ENOPH1: variants seen among roughly 807,000 people sequenced by gnomAD.
ENOPH1 encodes enolase-phosphatase 1.
In ENOPH1, 14 loss-of-function variants were observed where a neutral mutation model predicts 31.1. The observed-to-expected ratio is 0.45, with a 90% CI of 0.30 to 0.70. The LOEUF is 0.70. Ranked by LOEUF, ENOPH1 falls within the 30% of genes least tolerant of loss-of-function variation. The pLI is 0.09. For missense variants in ENOPH1, 243 were observed against 321.5 expected (o/e 0.76, Z 1.87); for synonymous variants, 127 against 123.2 (o/e 1.03, Z -0.21).
chr4:82,448,204 C>T (rs1367013915), intron 2 of ENOPH1, among the ~76,000 whole-genome samples, 183 bp downstream of exon 2: 1 of 151,680 alleles, frequency 6.6e-6, no homozygotes, highest in African/African-American at 2.4e-5. Flanking sequence ...TGGATCATGT[C>T]AGTTTGTTGT....
intron 1 of ENOPH1, among the ~76,000 whole-genome samples, chr4:82,443,974 A>G (rs1722113637): frequency 6.6e-6 from 1 of 152,188 alleles, no homozygotes; most frequent in East Asian, 1.9e-4. Context: ...TTCCGGGTTC[A>G]AGCGATTCTC....
chr4:82,449,185 A>G (rs1722280188), intron 2 of ENOPH1, among the ~76,000 whole-genome samples: 2 of 152,008 alleles, frequency 1.3e-5, no homozygotes, highest in Admixed American at 1.3e-4. Flanking sequence ...GGTTGTAGTG[A>G]GCCGAGATGG....
Position 82,459,992 on chromosome 4 carries a change from G to A in ENOPH1, c.658G>A (p.Ala220Thr), listed in dbSNP as rs775120969. 6.2e-7 allele frequency: 1 copy of A among 1,613,842 alleles called. No homozygotes were observed. Among genetic ancestry groups the A allele is most frequent in the Non-Finnish European group, 8.5e-7 (1 of 1,180,022 alleles). Residue 220 changes from alanine to threonine, a missense_variant, in exon 6 of 6, where the codon GCT becomes ACT. Coordinates refer to ENST00000273920, the MANE Select transcript of ENOPH1 (RefSeq NM_021204.5). ...LTDVTREASA[A>T]EEADVHVAVV... Reference sequence around the variant, plus strand: ...TTGATTTTTCACAGAGGCCAGTGCTGCTGAGGAAGCAGATGTGCACGTAGC... The same window carrying A: ...TTGATTTTTCACAGAGGCCAGTGCTACTGAGGAAGCAGATGTGCACGTAGC...
intron 4 of ENOPH1, among the ~76,000 whole-genome samples, chr4:82,455,626 A>G (rs563849161): frequency 0.087 from 1,983 of 22,910 alleles, 18 homozygotes; most frequent in Admixed American, 0.14. Context: ...TAAAAATACA[A>G]AAAAAAAAAA....
chr4:82,459,597 A>G lies in ENOPH1; in HGVS notation c.647-384A>G, dbSNP rs189868567. On this transcript the variant is annotated intron_variant, in intron 5 of 5. Transcript: ENST00000273920. ...CATATCATTTTAATTCGTGTTACCA[A>G]CAGCTTGTCCTTTGGGAAACAGCTC... 4.6e-5 allele frequency among the ~76,000 whole-genome samples: 7 copies of G among 151,914 alleles called. No individual in the cohort carries two copies. In the East Asian group the frequency reaches 1.2e-3, roughly 25 times the overall value.
chr4:82,436,975 A>G (rs1263226614), intron 1 of ENOPH1, among the ~76,000 whole-genome samples: 1 of 152,030 alleles, frequency 6.6e-6, no homozygotes, highest in African/African-American at 2.4e-5. Context: ...CAGTATGGGC[A>G]TGGTGGCTCA....
intron 4 of ENOPH1, among the ~76,000 whole-genome samples, chr4:82,456,626 G>T (rs1722498283): frequency 1.3e-5 from 2 of 152,164 alleles, no homozygotes; most frequent in African/African-American, 4.8e-5. Flanking sequence ...AGGATGTAGG[G>T]CATGTTTATT....
chr4:82,431,211 G>T (rs1025080918), intron 1 of ENOPH1, among the ~76,000 whole-genome samples: 1 of 152,256 alleles, frequency 6.6e-6, no homozygotes, highest in Non-Finnish European at 1.5e-5. Flanking sequence ...GGGTGTGACG[G>T]TGCGGGCCTC....
In ENOPH1 at chr4:82,430,823, T is replaced by G; in HGVS notation, c.-7T>G. 1 of 1,613,708 alleles carries G rather than the reference T, an allele frequency of 6.2e-7. No homozygotes were observed. The highest frequency in any genetic ancestry group is 1.1e-5 in the South Asian group (1 of 91,070). ...GCAGGCCGAGTCCCGTAGCATCCGG[T>G]AGGGAAATGGTCGTGCTTTCGGTCC... is the stretch of plus-strand genomic sequence containing the variant. On this transcript the variant is annotated 5_prime_UTR_variant, in exon 1 of 6. Transcript: ENST00000273920.
intron 2 of ENOPH1, among the ~76,000 whole-genome samples, chr4:82,449,612 G>C (rs761792856): frequency 6.6e-6 from 1 of 152,116 alleles, no homozygotes; most frequent in Non-Finnish European, 1.5e-5. Context: ...AACCATTCAC[G>C]AGAAGTCTAT....
At chr4:82,446,673 TTTTG>T (rs1241872013) in intron 1 of ENOPH1, among the ~76,000 whole-genome samples, 2 of 147,880 alleles carry the variant, frequency 1.4e-5, no homozygotes, top group African/African-American at 2.5e-5. Flanking sequence ...TTTTTTTTTT[TTTTG>T]TGTGACGGAA....
Position 82,430,770 on chromosome 4 carries a change from C to G in ENOPH1, c.-60C>G. ...ACGGTACCGGGGGCCGCAGCCGCAG[C>G]CGGCGCCGCCCTCCGCCCTCCCCAA... On this transcript the variant is annotated 5_prime_UTR_variant, in exon 1 of 6. Coordinates refer to ENST00000273920, the MANE Select transcript of ENOPH1 (RefSeq NM_021204.5). 6.5e-7 allele frequency: 1 copy of G among 1,537,316 alleles called. No individual in the cohort carries two copies.
intron 4 of ENOPH1, 86 bp downstream of exon 4, chr4:82,454,940 GA>G (rs1458264208): frequency 1.7e-5 from 22 of 1,276,974 alleles, no homozygotes; most frequent in Non-Finnish European, 2.2e-5. Context: ...GGAACTAATA[GA>G]ATGCTTTTTT....
chr4:82,446,776 G>A (rs199901750), intron 1 of ENOPH1, among the ~76,000 whole-genome samples: 1 of 135,284 alleles, frequency 7.4e-6, no homozygotes, highest in African/African-American at 2.8e-5. Flanking sequence ...GCGCAATCTC[G>A]GCTCACTGCA....
In ENOPH1 at chr4:82,460,060, G is replaced by T. The variant is rs370179622; in HGVS notation, c.726G>T (p.Glu242Asp). The change falls in exon 6 of 6, where the codon GAG (glutamate) becomes GAT (aspartate). Residue 242 changes from glutamate (E) to aspartate (D), a missense_variant. Transcript: ENST00000273920. ...RPGNAGLTDD[E>D]KTYYSLITSF... is the part of the protein sequence containing the mutation. ...GCAACGCAGGATTAACAGATGATGA[G>T]AAGACTTACTACAGCCTCATCACAT... 1.1e-5 allele frequency: 17 copies of T among 1,614,070 alleles called. No individual in the cohort carries two copies. Among genetic ancestry groups the T allele is most frequent in the African/African-American group, 5.3e-5 (4 of 74,930 alleles).
intron 1 of ENOPH1, among the ~76,000 whole-genome samples, chr4:82,443,159 G>A (rs1207392032): frequency 1.3e-5 from 2 of 152,114 alleles, no homozygotes; most frequent in South Asian, 2.1e-4. Context: ...ATGTGGGGCC[G>A]GTCATGGTGG....
In ENOPH1 at chr4:82,455,005, T is replaced by TGTATTTACA. The variant is rs1722446588; in HGVS notation, c.522+154_522+162dup. 3 of 713,530 alleles carry TGTATTTACA rather than the reference T, an allele frequency of 4.2e-6. No homozygotes were observed. The South Asian group carries it at 6.3e-5, about 15-fold the overall frequency. The allele number at this position is 713,530 out of a possible 1,614,324, so 44.2% of individuals were successfully genotyped here. On this transcript the variant is annotated intron_variant, in intron 4 of 5. Coordinates refer to ENST00000273920, the MANE Select transcript of ENOPH1 (RefSeq NM_021204.5). The stretch of plus-strand genomic sequence containing the variant: ...AGAAAATAATCACTTTTAATTATAT[T>TGTATTTACA]GTATTTACAGTTTCTTCTATATAAG...
At chr4:82,442,631 A>G (rs1251375993) in intron 1 of ENOPH1, among the ~76,000 whole-genome samples, 1 of 152,142 alleles carries the variant, frequency 6.6e-6, no homozygotes, top group Non-Finnish European at 1.5e-5. Flanking sequence ...CAGAAAAGAG[A>G]TATGCAAAAA....
chr4:82,455,987 T>C (rs1186004571), intron 4 of ENOPH1, among the ~76,000 whole-genome samples: 1 of 152,056 alleles, frequency 6.6e-6, no homozygotes, highest in African/African-American at 2.4e-5. Context: ...CTTTCTGTCT[T>C]ATTTTTAAAT....
Sources: gnomAD v4.1 joint callset for allele counts (sites outside exome capture counted in the v4.1 genomes callset) on GRCh38, gnomAD v4.1.1 for gene constraint, MANE v1.5 for transcripts, NCBI Gene and HGNC (gene_info 2026-07-23, HGNC 2026-07-21) for gene names.